Variants in PROSER2 observed in about 807,000 individuals in gnomAD.
The protein encoded by PROSER2 is proline and serine rich 2.
A neutral mutation model predicts 14.6 loss-of-function variants in PROSER2; 18 were observed. That is an observed-to-expected ratio of 1.23 (90% CI 0.85 to 1.83). The LOEUF is 1.83. Ranked by LOEUF, PROSER2 falls within the 40% of genes most tolerant of loss-of-function variation. The pLI is 0.00. For synonymous variants in PROSER2, 367 were observed against 286.4 expected (o/e 1.28, Z -2.84); for missense variants, 823 against 629.8 (o/e 1.31, Z -3.28).
At chr10:11,828,702 C>G (rs868722942) in intron 1 of PROSER2, among the ~76,000 whole-genome samples, 1 of 152,004 alleles carries the variant, frequency 6.6e-6, no homozygotes, top group Non-Finnish European at 1.5e-5. Context: ...GACTTTATCT[C>G]CAAAATAAAT....
At chr10:11,845,104 A>G (rs1013495521) in intron 1 of PROSER2, among the ~76,000 whole-genome samples, 2 of 152,144 alleles carry the variant, frequency 1.3e-5, no homozygotes, top group African/African-American at 4.8e-5. Flanking sequence ...AAAATAATGG[A>G]AAAAAACCTG....
rs1834266691 is a variant in PROSER2, at chr10:11,862,661, T to C, written c.139-3870T>C. On this transcript the variant is annotated intron_variant, in intron 2 of 3. Coordinates refer to ENST00000277570, the MANE Select transcript of PROSER2 (RefSeq NM_153256.4). The surrounding 1 kb of genome is among the most constrained non-coding windows in gnomAD (Gnocchi z 4.2). ...ATGAGCTGTGATTGTACCACTGCAC[T>C]GTAGACTGGGCAACAGAGTGAGACA... Among the ~76,000 whole-genome samples, 1 of 152,186 alleles carries C rather than the reference T, an allele frequency of 6.6e-6. No homozygotes were observed.
rs1834125690 is a variant in PROSER2, at chr10:11,856,565, C to A, written c.138+4350C>A. Among the ~76,000 whole-genome samples, 2 of 152,218 alleles carry A rather than the reference C, an allele frequency of 1.3e-5. No homozygotes were observed. Among genetic ancestry groups the A allele is most frequent in the African/African-American group, 4.8e-5 (2 of 41,450 alleles). On this transcript the variant is annotated intron_variant, in intron 2 of 3. Coordinates refer to ENST00000277570, the MANE Select transcript of PROSER2 (RefSeq NM_153256.4). The surrounding 1 kb of genome is among the most constrained non-coding windows in gnomAD (Gnocchi z 5.3). ...AAGTCTACCTGTTATTTGTTTTTAC[C>A]TCTGGCTTGGGCAGAAACAGTGATC...
rs1484035012 is a variant in PROSER2 at position 11,830,251 on chromosome 10, T to C, written c.-82+6781T>C. Among the ~76,000 whole-genome samples, 1 of 152,202 alleles carries C rather than the reference T, an allele frequency of 6.6e-6. No homozygotes were observed. The highest frequency in any genetic ancestry group is 1.5e-5 in the Non-Finnish European group (1 of 68,036). ...TGTGCATTTATGTGGACCCATCGTT[T>C]AGTTCCCACTTGTGAGAACATGCAG... is the stretch of plus-strand genomic sequence containing the variant. On this transcript the variant is annotated intron_variant, in intron 1 of 3. Transcript: ENST00000277570. This position sits in a 1 kb window ranked among gnomAD's most constrained non-coding sequence, Gnocchi z 4.5.
At position 11,866,438 on chromosome 10, in the gene PROSER2, C is replaced by G; in HGVS notation, c.139-93C>G. Reference sequence around the variant, plus strand: ...GGGACACAGTGAGTTCCGCCCTGGGCTGTGGACCAATCCCAACTTTGCTTC... The same window carrying G: ...GGGACACAGTGAGTTCCGCCCTGGGGTGTGGACCAATCCCAACTTTGCTTC... On this transcript the variant is annotated intron_variant, in intron 2 of 3. Transcript: ENST00000277570. The surrounding 1 kb of genome is among the most constrained non-coding windows in gnomAD (Gnocchi z 6.0). 9 of 1,498,058 alleles carry G rather than the reference C, an allele frequency of 6.0e-6. No homozygotes were observed. Among genetic ancestry groups the G allele is most frequent in the Non-Finnish European group, 8.2e-6 (9 of 1,095,586 alleles). The allele number at this position is 1,498,058 out of a possible 1,614,324, so 92.8% of individuals were successfully genotyped here.
rs537709652 is a variant in PROSER2, at chr10:11,836,988, C to T, written c.-82+13518C>T. ...GTTCTGATCCATTGCCTCCTGCATG[C>T]GAATCCTCCTTTGCCCGGAGTCCCC... is the stretch of plus-strand genomic sequence containing the variant. On this transcript the variant is annotated intron_variant, in intron 1 of 3. Coordinates refer to ENST00000277570, the MANE Select transcript of PROSER2 (RefSeq NM_153256.4). This position sits in a 1 kb window ranked among gnomAD's most constrained non-coding sequence, Gnocchi z 4.6. 6.6e-6 allele frequency among the ~76,000 whole-genome samples: 1 copy of T among 152,150 alleles called. No homozygotes were observed. Among genetic ancestry groups the T allele is most frequent in the African/African-American group, 2.4e-5 (1 of 41,452 alleles).
chr10:11,840,926 A>G (rs1833828642), intron 1 of PROSER2, among the ~76,000 whole-genome samples: 1 of 48,088 alleles, frequency 2.1e-5, no homozygotes, highest in African/African-American at 8.8e-5. Flanking sequence ...CTGTCTCAAA[A>G]AAAAAAAAAA....
rs1570695 is a variant in PROSER2, at chr10:11,856,503, G to T, written c.138+4288G>T. On this transcript the variant is annotated intron_variant, in intron 2 of 3. Transcript: ENST00000277570. The surrounding 1 kb of genome is among the most constrained non-coding windows in gnomAD (Gnocchi z 5.3). ...GTTCTCAAGGAGTGGAGCTGGAACAGCATGGCTGCTTTTGTGAGGGTGGCT... is the reference window on the plus strand; with the variant it reads ...GTTCTCAAGGAGTGGAGCTGGAACATCATGGCTGCTTTTGTGAGGGTGGCT... Among the ~76,000 whole-genome samples the T allele has an allele frequency of 0.18, 27,470 of 152,274 alleles. 2,801 individuals carry two copies. Among genetic ancestry groups the T allele is most frequent in the Middle Eastern group, 0.29 (86 of 294 alleles).
intron 1 of PROSER2, among the ~76,000 whole-genome samples, chr10:11,828,206 C>T (rs1213721838): frequency 6.6e-6 from 1 of 151,124 alleles, no homozygotes; most frequent in Non-Finnish European, 1.5e-5. Flanking sequence ...GACCTTGAAA[C>T]TGGAGTTTCA....
At chr10:11,829,610 A>G (rs1288704349) in intron 1 of PROSER2, among the ~76,000 whole-genome samples, 1 of 151,866 alleles carries the variant, frequency 6.6e-6, no homozygotes, top group East Asian at 1.9e-4. Context: ...GTGCTACAGT[A>G]GAAAGCTAGA....
intron 1 of PROSER2, among the ~76,000 whole-genome samples, chr10:11,833,575 C>T (rs528884786): frequency 6.6e-6 from 1 of 152,002 alleles, no homozygotes; most frequent in Non-Finnish European, 1.5e-5. Flanking sequence ...CCTGTAGTCC[C>T]AGTTACCCTG....
At chr10:11,826,487 C>T (rs1011157344) in intron 1 of PROSER2, among the ~76,000 whole-genome samples, 1 of 152,192 alleles carries the variant, frequency 6.6e-6, no homozygotes. Flanking sequence ...TTTTGTGTTC[C>T]CACTAGCAAC....
intron 1 of PROSER2, among the ~76,000 whole-genome samples, chr10:11,831,152 G>A (rs1280351988): frequency 6.6e-6 from 1 of 152,170 alleles, no homozygotes; most frequent in Non-Finnish European, 1.5e-5. Context: ...AGTGCTAAAT[G>A]AACATGCTCT....
intron 2 of PROSER2, among the ~76,000 whole-genome samples, chr10:11,864,840 C>T (rs959079918): frequency 4.6e-5 from 7 of 152,144 alleles, no homozygotes; most frequent in South Asian, 2.1e-4. Context: ...CCACCCACCT[C>T]GGCCTCCCAC....
Position 11,869,707 on chromosome 10 carries a change from G to A in PROSER2, c.609G>A (p.Glu203=). Residue 203 remains glutamate, a synonymous_variant, in exon 4 of 4, where the codon GAG becomes GAA. Transcript: ENST00000277570. The surrounding 1 kb of genome is among the most constrained non-coding windows in gnomAD (Gnocchi z 4.4). ...TPLVMAQKIS[E]RMAGNEALSP... ...TCGTTATGGCGCAGAAGATTTCCGA[G>A]AGGATGGCGGGGAACGAAGCCCTCT... 6.3e-7 allele frequency: 1 copy of A among 1,595,758 alleles called. No individual in the cohort carries two copies. The highest frequency in any genetic ancestry group is 1.1e-5 in the South Asian group (1 of 88,282).
intron 2 of PROSER2, among the ~76,000 whole-genome samples, chr10:11,855,317 C>T (rs921673595): frequency 1.3e-5 from 2 of 151,234 alleles, no homozygotes; most frequent in Non-Finnish European, 3.0e-5. Flanking sequence ...ACTAAAAATA[C>T]AAAAAAATTA....
In PROSER2 at chr10:11,852,082, C is replaced by G; in HGVS notation, c.5C>G (p.Pro2Arg). The change falls in exon 2 of 4, where the codon CCT (proline) becomes CGT (arginine). Residue 2 changes from proline (P) to arginine (R), a missense_variant. Coordinates refer to ENST00000277570, the MANE Select transcript of PROSER2 (RefSeq NM_153256.4). ...GGCCCTGAGGACTCTGTGGAGATGC[C>G]TGTAACCCACCGGAAATCAGACGCA... is the stretch of plus-strand genomic sequence containing the variant. M[P>R]VTHRKSDASD... The G allele has an allele frequency of 6.2e-7, 1 of 1,611,216 alleles. No homozygotes were observed. The highest frequency in any genetic ancestry group is 8.5e-7 in the Non-Finnish European group (1 of 1,178,618).
chr10:11,870,250 C>G lies in PROSER2; in HGVS notation c.1152C>G (p.Pro384=). The change falls in exon 4 of 4, where the codon CCC becomes CCG. Residue 384 remains proline (P), a synonymous_variant. Transcript: ENST00000277570. ...GCACGCGGGCCCGTCAGAGCTTCCC[C>G]GGGCCCCGGCAGCCCAACGGCGCCC... is the stretch of plus-strand genomic sequence containing the variant. The part of the protein sequence containing the change: ...LPSTRARQSF[P]GPRQPNGAQD... 1.3e-6 allele frequency: 2 copies of G among 1,486,616 alleles called. No individual in the cohort carries two copies. The highest frequency in any genetic ancestry group is 8.9e-7 in the Non-Finnish European group (1 of 1,126,306). The allele number at this position is 1,486,616 out of a possible 1,614,324, so 92.1% of individuals were successfully genotyped here. A position where few individuals can be genotyped will look rare whatever the true frequency, so the allele number is the denominator to read the frequency against.
In PROSER2 at chr10:11,869,605, T is replaced by TC. The variant is rs1438977104; in HGVS notation, c.513dup (p.Arg172GlnfsTer156). 1.9e-5 allele frequency: 31 copies of TC among 1,590,486 alleles called. No homozygotes were observed. Among genetic ancestry groups the TC allele is most frequent in the African/African-American group, 2.7e-5 (2 of 73,382 alleles). On this transcript the variant is annotated frameshift_variant, in exon 4 of 4. Transcript: ENST00000277570. LOFTEE classifies it low-confidence loss of function (END_TRUNC). This position sits in a 1 kb window ranked among gnomAD's most constrained non-coding sequence, Gnocchi z 4.4. Reference sequence around the variant, plus strand: ...CACCACCCCTGCCTAGCACCCCCGATCCCCCCAGGAGGGAGCTGCGCGCCC... The same window carrying TC: ...CACCACCCCTGCCTAGCACCCCCGATCCCCCCCAGGAGGGAGCTGCGCGCCC...
Sources: allele counts gnomAD v4.1 joint callset (sites outside exome capture counted in the v4.1 genomes callset), GRCh38; gene constraint gnomAD v4.1.1; non-coding constraint Gnocchi (gnomAD v3.1); transcripts MANE v1.5; gene names NCBI Gene and HGNC (gene_info 2026-07-23, HGNC 2026-07-21).